The following HNRNPC variants were observed in gnomAD, a reference collection of about 807,000 sequenced individuals.
HNRNPC encodes the protein heterogeneous nuclear ribonucleoproteins C1/C2.
A neutral mutation model predicts 33.2 loss-of-function variants in HNRNPC; 3 were observed. The observed-to-expected ratio is 0.09, with a 90% confidence interval of 0.04 to 0.23. The LOEUF is 0.23. Among genes scored for constraint, HNRNPC ranks in the 10% least tolerant of loss-of-function variants. HNRNPC has a pLI of 1.00. For missense variants in HNRNPC, 143 were observed against 366.7 expected (o/e 0.39, Z 4.98); for synonymous variants, 121 against 126.7 (o/e 0.96, Z 0.30).
intron 2 of HNRNPC, chr14:21,234,757 GCTTACA>G (rs1468086007): frequency 3.9e-5 from 6 of 152,580 alleles, no homozygotes; most frequent in Non-Finnish European, 7.3e-5. Flanking sequence ...AATATGGATA[GCTTACA>G]CTTACCCATT....
chr14:21,221,317 G>A (rs1354809576), intron 5 of HNRNPC, among the ~76,000 whole-genome samples: 1 of 152,106 alleles, frequency 6.6e-6, no homozygotes, highest in Non-Finnish European at 1.5e-5. Flanking sequence ...CACAACTCTA[G>A]ACTTATTCTA....
At chr14:21,219,064 C>T (rs529111882) in intron 5 of HNRNPC, among the ~76,000 whole-genome samples, 2 of 147,760 alleles carry the variant, frequency 1.4e-5, no homozygotes, top group East Asian at 2.0e-4. Context: ...AAGCCAAGAC[C>T]GCACCACTGC....
intron 2 of HNRNPC, among the ~76,000 whole-genome samples, chr14:21,235,078 C>G (rs1420066075): frequency 1.3e-5 from 2 of 152,118 alleles, no homozygotes; most frequent in African/African-American, 4.8e-5. Flanking sequence ...CAAAAATTAT[C>G]TGTCTTTATG....
chr14:21,239,539 ATGTCATGAAAAGCTC>A (rs1352049956), intron 2 of HNRNPC, among the ~76,000 whole-genome samples: 6 of 151,930 alleles, frequency 3.9e-5, no homozygotes, highest in Non-Finnish European at 7.4e-5. Context: ...TAAACTCAAC[ATGTCATGAAAAGCTC>A]TGTCATGAAA....
intron 1 of HNRNPC, 34 bp from the exon 2 acceptor site, chr14:21,263,370 T>C (rs1329341755): frequency 6.6e-6 from 1 of 152,474 alleles, no homozygotes; most frequent in African/African-American, 2.4e-5. Flanking sequence ...TAGCCCAGAT[T>C]AGAAAAACGG....
intron 5 of HNRNPC, among the ~76,000 whole-genome samples, chr14:21,227,132 T>C (rs888700283): frequency 6.6e-5 from 10 of 152,054 alleles, no homozygotes; most frequent in African/African-American, 2.2e-4. Flanking sequence ...ACCCAACCTA[T>C]TTCCCAGGTC....
chr14:21,263,598 A>G (rs1878536851), intron 1 of HNRNPC: 1 of 152,174 alleles, frequency 6.6e-6, no homozygotes, highest in Non-Finnish European at 1.5e-5. Context: ...GAAAAAATAG[A>G]AATAGAAATT....
In HNRNPC at chr14:21,230,263, C is replaced by G. The variant is rs1042610451; in HGVS notation, c.365+56G>C. Reference sequence around the variant, plus strand: ...TGTTCATCACCACAAACCAGAAGAACGAAATGGTTCTCACTAAATAGCTGT... The same window carrying G: ...TGTTCATCACCACAAACCAGAAGAAGGAAATGGTTCTCACTAAATAGCTGT... On this transcript the variant is annotated intron_variant, in intron 5 of 8. Transcript: ENST00000553300. 5.5e-6 allele frequency: 7 copies of G among 1,272,532 alleles called. No homozygotes were observed. The African/African-American group carries it at 1.0e-4, about 19-fold the overall frequency. 78.8% of individuals were successfully genotyped at this position (1,272,532 alleles called of 1,614,324 possible). A position where few individuals can be genotyped will look rare whatever the true frequency, so the allele number is the denominator to read the frequency against.
intron 3 of HNRNPC, chr14:21,231,388 T>G: frequency 2.1e-6 from 1 of 480,614 alleles, no homozygotes. Context: ...AGACACTGTC[T>G]CACTGTCATA....
intron 4 of HNRNPC, 38 bp from the exon 5 acceptor site, chr14:21,230,404 G>C: frequency 6.7e-7 from 1 of 1,487,582 alleles, no homozygotes; most frequent in Non-Finnish European, 9.4e-7. Flanking sequence ...ATTTGGAAAT[G>C]TTTCTACTAA....
chr14:21,218,789 CAA>C (rs1179842046), intron 5 of HNRNPC, among the ~76,000 whole-genome samples: 1 of 149,424 alleles, frequency 6.7e-6, no homozygotes, highest in African/African-American at 2.5e-5. Flanking sequence ...CGCTTGAGCC[CAA>C]GAGTTCAAGA....
chr14:21,218,180 C>T (rs1892406845), intron 5 of HNRNPC, among the ~76,000 whole-genome samples: 1 of 152,074 alleles, frequency 6.6e-6, no homozygotes, highest in Non-Finnish European at 1.5e-5. Context: ...CCAGGCTGGT[C>T]ATGAGCTCCT....
At chr14:21,221,411 A>C (rs1281502399) in intron 5 of HNRNPC, among the ~76,000 whole-genome samples, 2 of 152,186 alleles carry the variant, frequency 1.3e-5, no homozygotes, top group Non-Finnish European at 2.9e-5. Flanking sequence ...ACTGAACTTA[A>C]ATGTTCTACT....
Position 21,234,018 on chromosome 14 carries a change from T to C in HNRNPC, c.176A>G (p.Asn59Ser). ...HKGFAFVQYV[N>S]ERNARAAVAG... The stretch of plus-strand genomic sequence containing the variant: ...TACAGCAGCCCGGGCATTTCTCTCA[T>C]TAACATACTGAACGAAGGCAAAGCC... Residue 59 changes from asparagine to serine, a missense_variant, in exon 3 of 9, where the codon AAT becomes AGT. Physicochemically the swap from Asn to Ser is conservative, Grantham distance 46. Transcript: ENST00000553300. 6.2e-7 allele frequency: 1 copy of C among 1,613,924 alleles called. No homozygotes were observed. The highest frequency in any genetic ancestry group is 8.5e-7 in the Non-Finnish European group (1 of 1,179,846).
At chr14:21,268,704 G>C (rs1018132392) in intron 1 of HNRNPC, 5 of 152,150 alleles carry the variant, frequency 3.3e-5, no homozygotes, top group African/African-American at 9.7e-5. Flanking sequence ...TATTAATATA[G>C]TTATATCACA....
intron 1 of HNRNPC, 115 bp downstream of exon 1, chr14:21,269,183 G>C (rs540437669): frequency 1.3e-5 from 2 of 152,068 alleles, no homozygotes; most frequent in African/African-American, 4.8e-5. Context: ...AAAACAAGCA[G>C]AATAAATGAG....
chr14:21,230,395 T>C, intron 4 of HNRNPC, 29 bp from the exon 5 acceptor site: 1 of 1,557,088 alleles, frequency 6.4e-7, no homozygotes, highest in East Asian at 2.3e-5. Flanking sequence ...AAAGGGTTAA[T>C]TTGGAAATGT....
intron 2 of HNRNPC, among the ~76,000 whole-genome samples, chr14:21,251,260 CAAAAAAAAA>C (rs71419116): frequency 2.0e-4 from 10 of 49,488 alleles, no homozygotes; most frequent in Non-Finnish European, 2.1e-4. Flanking sequence ...GACTCCCTCT[CAAAAAAAAA>C]AAAAAAAAAA....
Position 21,211,059 on chromosome 14 carries a change from G to A in HNRNPC, c.*164C>T, listed in dbSNP as rs915449438. On this transcript the variant is annotated 3_prime_UTR_variant, in exon 9 of 9. Coordinates refer to ENST00000553300, the MANE Select transcript of HNRNPC (RefSeq NM_004500.4). ...TCAAAGGAAGTGAAAATGGGACTAG[G>A]CGCGGGGCAATATGAATTAATGAAC... The A allele has an allele frequency of 2.4e-5, 18 of 742,094 alleles. No homozygotes were observed. Among genetic ancestry groups the A allele is most frequent in the South Asian group, 3.6e-5 (2 of 56,258 alleles). The allele number at this position is 742,094 out of a possible 1,614,324, so 46.0% of individuals were successfully genotyped here.
Sources: allele counts gnomAD v4.1 joint callset (sites outside exome capture counted in the v4.1 genomes callset), GRCh38; gene constraint gnomAD v4.1.1; transcripts MANE v1.5; gene names NCBI Gene and HGNC (gene_info 2026-07-23, HGNC 2026-07-21).